The following DMD variants were observed in gnomAD, a reference collection of about 807,000 sequenced individuals.
DMD encodes the protein dystrophin.
A neutral mutation model predicts 330.1 loss-of-function variants in DMD; 63 were observed. That is an observed-to-expected ratio of 0.19 (90% CI 0.16 to 0.24). DMD has a LOEUF of 0.24. DMD is among the 10% of genes least tolerant of loss of function. The pLI is 1.00. For synonymous variants in DMD, 1,223 were observed against 959.8 expected (o/e 1.27, Z -5.07); for missense variants, 3,344 against 2,684.1 (o/e 1.25, Z -5.43).
intron 37 of DMD, among the ~76,000 whole-genome samples, chrX:32,352,441 C>T (rs1034658237): frequency 9.0e-6 from 1 of 110,592 alleles, no homozygotes; most frequent in Non-Finnish European, 1.9e-5. Context: ...TGTATAAACT[C>T]ATAATCAATA....
At chrX:32,723,052 GATC>G (rs1450501977) in intron 7 of DMD, among the ~76,000 whole-genome samples, 2 of 110,958 alleles carry the variant, frequency 1.8e-5, no homozygotes, top group East Asian at 5.7e-4. Context: ...AACCACCGTT[GATC>G]ATATTAGCTA....
intron 44 of DMD, among the ~76,000 whole-genome samples, chrX:32,024,046 T>C (rs911608400): frequency 3.6e-5 from 4 of 111,419 alleles, no homozygotes; most frequent in African/African-American, 1.3e-4. Flanking sequence ...ATGCACTATA[T>C]CCAGGGAACA....
chrX:33,009,102 GTATA>G (rs72157249), intron 2 of DMD, among the ~76,000 whole-genome samples: 1 of 6,667 alleles, frequency 1.5e-4, no homozygotes, highest in African/African-American at 3.5e-4. Context: ...ACGTATATAT[GTATA>G]TATATGTGTA....
chrX:32,790,696 A>G (rs2075750298), intron 7 of DMD, among the ~76,000 whole-genome samples: 1 of 111,676 alleles, frequency 9.0e-6, no homozygotes. Context: ...ACTCAACTTC[A>G]TGCACACTGA....
At chrX:31,304,068 T>C (rs1453539527) in intron 62 of DMD, among the ~76,000 whole-genome samples, 1 of 112,447 alleles carries the variant, frequency 8.9e-6, no homozygotes, top group Non-Finnish European at 1.9e-5. Flanking sequence ...TTAAGTGCAT[T>C]AGAATTAAAA....
intron 2 of DMD, among the ~76,000 whole-genome samples, chrX:32,945,092 T>A (rs2090708721): frequency 9.0e-6 from 1 of 111,303 alleles, no homozygotes; most frequent in Admixed American, 9.6e-5. Context: ...GATTTTAGCT[T>A]AATTTGTAGT....
intron 55 of DMD, among the ~76,000 whole-genome samples, chrX:31,523,721 T>C: frequency 8.9e-6 from 1 of 111,903 alleles, no homozygotes; most frequent in Non-Finnish European, 1.9e-5. Flanking sequence ...GACGGAGCAG[T>C]TTGCACCTCG....
intron 43 of DMD, among the ~76,000 whole-genome samples, chrX:32,265,665 G>T (rs984150313): frequency 1.8e-5 from 2 of 112,614 alleles, no homozygotes; most frequent in Admixed American, 1.9e-4. Flanking sequence ...AGCCCACCTT[G>T]CATCAGCGTG....
At chrX:32,877,558 A>G (rs1219744437) in intron 2 of DMD, among the ~76,000 whole-genome samples, 1 of 112,037 alleles carries the variant, frequency 8.9e-6, no homozygotes, top group African/African-American at 3.2e-5. Context: ...TAGCCAAAAA[A>G]TCGTGTTTTA....
At chrX:32,599,538 C>T (rs558334945) in intron 12 of DMD, among the ~76,000 whole-genome samples, 16 of 111,908 alleles carry the variant, frequency 1.4e-4, no homozygotes, top group South Asian at 7.3e-4. Flanking sequence ...ATTTATACAA[C>T]GGAGATTTAT....
chrX:32,043,045 G>T (rs1410983186), intron 44 of DMD, among the ~76,000 whole-genome samples: 3 of 111,632 alleles, frequency 2.7e-5, no homozygotes, highest in Non-Finnish European at 5.7e-5. Context: ...ACAAATGCTT[G>T]AAGGGATAGA....
At chrX:31,669,797 C>T (rs1390822194) in intron 53 of DMD, among the ~76,000 whole-genome samples, 1 of 106,938 alleles carries the variant, frequency 9.4e-6, no homozygotes, top group Non-Finnish European at 1.9e-5. Flanking sequence ...ATTCTACATC[C>T]CTTGCATTTC....
At chrX:31,374,117 A>C (rs1165471382) in intron 60 of DMD, among the ~76,000 whole-genome samples, 60 of 85,330 alleles carry the variant, frequency 7.0e-4, no homozygotes, top group East Asian at 1.5e-3. Flanking sequence ...CAAAACCACA[A>C]TGAGATACCA....
intron 64 of DMD, among the ~76,000 whole-genome samples, chrX:31,214,937 C>CTTTTTTTTTTT (rs761569710): frequency 2.4e-4 from 9 of 38,078 alleles, no homozygotes; most frequent in East Asian, 1.0e-3. Context: ...TTTCTTTTTT[C>CTTTTTTTTTTT]TTTTTTTTTT....
At chrX:31,424,506 G>A (rs2063594807) in intron 60 of DMD, among the ~76,000 whole-genome samples, 1 of 111,865 alleles carries the variant, frequency 8.9e-6, no homozygotes, top group African/African-American at 3.2e-5. Context: ...CAAAGCTTGT[G>A]GCATTATTCA....
chrX:31,323,010 C>T lies in DMD; in HGVS notation c.9224+588G>A, dbSNP rs149522820. Among the ~76,000 whole-genome samples, 671 of 112,058 alleles carry T rather than the reference C, an allele frequency of 6.0e-3. 5 individuals carry two copies. The highest frequency in any genetic ancestry group is 0.019 in the Middle Eastern group (4 of 216). The stretch of plus-strand genomic sequence containing the variant: ...TGTCATTTATATTTCATGCAAAATA[C>T]TACAGAAGGTGCTTCCAAGCACTCG... On this transcript the variant is annotated intron_variant, in intron 62 of 78. Transcript: ENST00000357033.
chrX:32,151,187 A>G (rs891965429), intron 44 of DMD, among the ~76,000 whole-genome samples: 1 of 112,168 alleles, frequency 8.9e-6, no homozygotes, highest in African/African-American at 3.2e-5. Flanking sequence ...TTTTGATTAA[A>G]CTAAAAATAA....
chrX:31,794,087 G>A (rs1374211061), intron 50 of DMD, among the ~76,000 whole-genome samples: 1 of 111,430 alleles, frequency 9.0e-6, no homozygotes, highest in East Asian at 2.8e-4. Flanking sequence ...TGAGACTACA[G>A]CACAGTTGGA....
rs34438085 is a variant in DMD, at chrX:31,191,191, A to ATGTGTG, written c.9808-8293_9808-8288dup. ...AAGCAGGTCTGCTAGTACAATGTGTATGTGTGTGTGTGTGTGTGTGTGTTT... is the reference window on the plus strand; with the variant it reads ...AAGCAGGTCTGCTAGTACAATGTGTATGTGTGTGTGTGTGTGTGTGTGTGTGTGTTT... On this transcript the variant is annotated intron_variant, in intron 67 of 78. Transcript: ENST00000357033. Among the ~76,000 whole-genome samples, 367 of 107,186 alleles carry ATGTGTG rather than the reference A, an allele frequency of 3.4e-3. 3 individuals carry two copies. The highest frequency in any genetic ancestry group is 0.012 in the African/African-American group (350 of 29,432). The allele number at this position is 107,186 out of a possible 115,157, so 93.1% of individuals were successfully genotyped here.
Sources: allele counts gnomAD v4.1 joint callset (sites outside exome capture counted in the v4.1 genomes callset), GRCh38; gene constraint gnomAD v4.1.1; transcripts MANE v1.5; gene names NCBI Gene and HGNC (gene_info 2026-07-23, HGNC 2026-07-21).